Variants in ELMO1 observed in about 807,000 individuals in gnomAD.
The protein encoded by ELMO1 is engulfment and cell motility protein 1.
ELMO1 carries 26 observed loss-of-function variants against 98.9 expected under a neutral mutation model. The ratio of observed to expected loss-of-function variants is 0.26; its 90% confidence interval spans 0.19 to 0.36. The LOEUF is 0.36. Ranked by LOEUF, ELMO1 falls within the 10% of genes least tolerant of loss-of-function variation. The pLI is 1.00. For missense variants in ELMO1, 627 were observed against 935.2 expected (o/e 0.67, Z 4.30); for synonymous variants, 346 against 346.0 (o/e 1.00, Z 0.00).
intron 13 of ELMO1, among the ~76,000 whole-genome samples, chr7:37,175,740 G>A (rs1284210466): frequency 1.3e-5 from 2 of 152,142 alleles, no homozygotes; most frequent in African/African-American, 2.4e-5. Flanking sequence ...CCAGCTACTC[G>A]GGAGGCTGAG....
intron 15 of ELMO1, among the ~76,000 whole-genome samples, chr7:37,022,924 A>G (rs1011956426): frequency 5.0e-4 from 76 of 152,246 alleles, no homozygotes; most frequent in African/African-American, 1.7e-3. Flanking sequence ...TGCTACATAC[A>G]ATATGAGTGT....
chr7:37,075,828 C>T (rs1797546908), intron 15 of ELMO1, among the ~76,000 whole-genome samples: 1 of 152,090 alleles, frequency 6.6e-6, no homozygotes, highest in Admixed American at 6.6e-5. Context: ...CACTGTGTGC[C>T]AGGCAACTCA....
At chr7:36,934,157 G>A (rs1478041414) in intron 16 of ELMO1, among the ~76,000 whole-genome samples, 1 of 152,112 alleles carries the variant, frequency 6.6e-6, no homozygotes, top group Non-Finnish European at 1.5e-5. Flanking sequence ...CAGAGATTGG[G>A]CCATGATAGC....
chr7:37,386,104 C>T (rs10227691), intron 1 of ELMO1, among the ~76,000 whole-genome samples: 4,113 of 152,242 alleles, frequency 0.027, 188 homozygotes, highest in African/African-American at 0.093. Flanking sequence ...TGGTGCAAGC[C>T]ACAGTGATTT....
Position 37,127,013 on chromosome 7 carries a change from T to A in ELMO1, c.1191+6117A>T, listed in dbSNP as rs368203564. 6.6e-5 allele frequency among the ~76,000 whole-genome samples: 10 copies of A among 152,356 alleles called. No homozygotes were observed. In the South Asian group the frequency reaches 1.5e-3, roughly 22 times the overall value. On this transcript the variant is annotated intron_variant, in intron 14 of 21. Transcript: ENST00000310758. ...GTTGGGCGTTAAATGTTTATCTAACTTTTTTAGAGCCTGGGATTAATGCAC... is the reference window on the plus strand; with the variant it reads ...GTTGGGCGTTAAATGTTTATCTAACATTTTTAGAGCCTGGGATTAATGCAC...
intron 13 of ELMO1, among the ~76,000 whole-genome samples, chr7:37,193,297 C>T (rs1333999251): frequency 2.0e-5 from 3 of 152,124 alleles, no homozygotes; most frequent in African/African-American, 7.2e-5. Context: ...CTACGCAGCC[C>T]AACCCGCACA....
intron 16 of ELMO1, among the ~76,000 whole-genome samples, chr7:36,964,587 T>G (rs1402041327): frequency 6.6e-6 from 1 of 152,224 alleles, no homozygotes; most frequent in Non-Finnish European, 1.5e-5. Context: ...GATGTTTCTT[T>G]CCTTAAGAAT....
At chr7:37,021,238 C>T (rs1794248781) in intron 15 of ELMO1, among the ~76,000 whole-genome samples, 1 of 152,132 alleles carries the variant, frequency 6.6e-6, no homozygotes, top group African/African-American at 2.4e-5. Flanking sequence ...ATAGAAGCTA[C>T]CACCCCTGCT....
chr7:37,258,345 G>A (rs544948610), intron 6 of ELMO1, among the ~76,000 whole-genome samples: 1 of 152,220 alleles, frequency 6.6e-6, no homozygotes, highest in South Asian at 2.1e-4. Context: ...GGAGGCTGAG[G>A]TGGGAGGATC....
At chr7:36,995,572 C>T (rs1276132338) in intron 16 of ELMO1, among the ~76,000 whole-genome samples, 2 of 151,814 alleles carry the variant, frequency 1.3e-5, no homozygotes, top group African/African-American at 4.8e-5. Context: ...TATAATTTTG[C>T]AGGCTGCTCT....
intron 1 of ELMO1, among the ~76,000 whole-genome samples, chr7:37,432,072 GA>G (rs1298362850): frequency 6.6e-6 from 1 of 152,092 alleles, no homozygotes; most frequent in East Asian, 1.9e-4. Flanking sequence ...GTAGAGAAGG[GA>G]TTTCTCCATG....
chr7:37,122,417 A>G (rs1394313088), intron 14 of ELMO1, among the ~76,000 whole-genome samples: 3 of 152,092 alleles, frequency 2.0e-5, no homozygotes, highest in Non-Finnish European at 4.4e-5. Flanking sequence ...ACACACACAC[A>G]CTCAAAATAA....
At chr7:37,423,908 A>G (rs1292092176) in intron 1 of ELMO1, among the ~76,000 whole-genome samples, 1 of 152,198 alleles carries the variant, frequency 6.6e-6, no homozygotes, top group African/African-American at 2.4e-5. Flanking sequence ...TCTGAAAGTG[A>G]TGATGCCCTT....
chr7:37,347,623 C>A (rs1006283830), intron 1 of ELMO1, among the ~76,000 whole-genome samples: 4 of 152,156 alleles, frequency 2.6e-5, no homozygotes, highest in Admixed American at 2.6e-4. Context: ...CTGTCTGCCG[C>A]CATGTAAGAG....
rs552431142 is a variant in ELMO1, at chr7:36,986,121, A to G, written c.1437+27178T>C. The G allele has an allele frequency of 2.2e-5, 22 of 988,706 alleles. No homozygotes were observed. In the Admixed American group the frequency reaches 4.3e-4, roughly 19 times the overall value. 61.2% of individuals were successfully genotyped at this position (988,706 alleles called of 1,614,324 possible). ...CCCGCCGCACACCTTTAAATGGTAT[A>G]CACTCCAAGTCCAGAAGAATAAGCA... On this transcript the variant is annotated intron_variant, in intron 16 of 21. Coordinates refer to ENST00000310758, the MANE Select transcript of ELMO1 (RefSeq NM_014800.11).
chr7:37,214,615 G>A (rs115795255), intron 11 of ELMO1, among the ~76,000 whole-genome samples: 6 of 152,270 alleles, frequency 3.9e-5, no homozygotes, highest in Admixed American at 1.3e-4. Flanking sequence ...AGAGGACAGG[G>A]AGGAATGAGA....
chr7:37,200,142 T>C (rs550074660), intron 13 of ELMO1, among the ~76,000 whole-genome samples: 2 of 152,284 alleles, frequency 1.3e-5, no homozygotes, highest in Non-Finnish European at 2.9e-5. Context: ...GATGTAATCA[T>C]AGCTTGCTGC....
chr7:37,313,789 G>T (rs920761458), intron 4 of ELMO1, among the ~76,000 whole-genome samples: 7 of 152,114 alleles, frequency 4.6e-5, no homozygotes, highest in African/African-American at 1.7e-4. Context: ...TAAAATTACA[G>T]TCACTCTAGG....
chr7:37,134,614 T>C (rs934183588), intron 13 of ELMO1, among the ~76,000 whole-genome samples: 3 of 151,498 alleles, frequency 2.0e-5, no homozygotes, highest in Non-Finnish European at 4.4e-5. Context: ...TGCACTCGTA[T>C]GTTTATTGCA....
Sources: gnomAD v4.1 joint callset for allele counts (sites outside exome capture counted in the v4.1 genomes callset) on GRCh38, gnomAD v4.1.1 for gene constraint, MANE v1.5 for transcripts, NCBI Gene and HGNC (gene_info 2026-07-23, HGNC 2026-07-21) for gene names.